The following PID1 variants were observed in gnomAD, a reference collection of about 807,000 sequenced individuals.
PID1 encodes the protein phosphotyrosine interaction domain containing 1.
Under a neutral mutation model 19.1 loss-of-function variants are expected in PID1, and 10 were observed. The observed-to-expected ratio is 0.52, with a 90% CI of 0.32 to 0.89. The LOEUF is 0.89. Ranked by LOEUF, PID1 falls within the 40% of genes least tolerant of loss-of-function variation. PID1 has a pLI of 0.03. For synonymous variants in PID1, 130 were observed against 116.0 expected (o/e 1.12, Z -0.78); for missense variants, 248 against 285.3 (o/e 0.87, Z 0.94).
intron 1 of PID1, among the ~76,000 whole-genome samples, chr2:229,159,851 C>T (rs909373493): frequency 1.3e-5 from 2 of 152,118 alleles, no homozygotes; most frequent in African/African-American, 4.8e-5. Flanking sequence ...TGTCCTTGCT[C>T]CTAATAGATT....
At chr2:229,071,764 A>G (rs1694458800) in intron 2 of PID1, among the ~76,000 whole-genome samples, 1 of 152,218 alleles carries the variant, frequency 6.6e-6, no homozygotes, top group Non-Finnish European at 1.5e-5. Flanking sequence ...CTAGTTTATC[A>G]TCATAACCAT....
rs190615308 is a variant in PID1, at chr2:229,155,568, G to A, written c.177+250C>T. 3.8e-3 allele frequency among the ~76,000 whole-genome samples: 550 copies of A among 143,816 alleles called. 3 individuals carry two copies. The highest frequency in any genetic ancestry group is 0.012 in the African/African-American group (494 of 39,690). 94.3% of individuals were successfully genotyped at this position (143,816 alleles called of 152,430 possible). ...AGCCTGGGCGACAGAGCGAGACTCCGTCTCAAAAAAAAACAAAAACAAAAA... is the reference window on the plus strand; with the variant it reads ...AGCCTGGGCGACAGAGCGAGACTCCATCTCAAAAAAAAACAAAAACAAAAA... On this transcript the variant is annotated intron_variant, in intron 2 of 2. Coordinates refer to ENST00000392055, the MANE Select transcript of PID1 (RefSeq NM_001100818.2).
At chr2:229,143,854 C>T (rs571955776) in intron 2 of PID1, among the ~76,000 whole-genome samples, 6 of 152,200 alleles carry the variant, frequency 3.9e-5, no homozygotes, top group Admixed American at 1.3e-4. Context: ...TTTAAGTTTC[C>T]GGAGGCCTCC....
At chr2:229,187,553 C>G (rs1258440488) in intron 1 of PID1, among the ~76,000 whole-genome samples, 1 of 152,114 alleles carries the variant, frequency 6.6e-6, no homozygotes. Flanking sequence ...ACGAGAATAG[C>G]ATAGGAAAGA....
At chr2:229,238,489 C>T (rs945135521) in intron 1 of PID1, among the ~76,000 whole-genome samples, 2 of 152,044 alleles carry the variant, frequency 1.3e-5, no homozygotes, top group South Asian at 2.1e-4. Context: ...GCAGCGCAAT[C>T]GATTAGCGTA....
intron 2 of PID1, among the ~76,000 whole-genome samples, chr2:229,121,681 T>C (rs1363758212): frequency 6.6e-6 from 1 of 152,192 alleles, no homozygotes; most frequent in African/African-American, 2.4e-5. Flanking sequence ...TCTCAAATTA[T>C]ACTTTGGAGA....
chr2:229,066,931 A>C (rs1180532837), intron 2 of PID1, among the ~76,000 whole-genome samples: 1 of 152,058 alleles, frequency 6.6e-6, no homozygotes, highest in Non-Finnish European at 1.5e-5. Context: ...CAAATTTTTA[A>C]ATATATGCCA....
At chr2:229,222,528 G>A (rs1385083605) in intron 1 of PID1, among the ~76,000 whole-genome samples, 1 of 152,052 alleles carries the variant, frequency 6.6e-6, no homozygotes, top group Non-Finnish European at 1.5e-5. Flanking sequence ...TGGACCACAG[G>A]GTGCCCAGAT....
chr2:229,216,744 C>T (rs1257262989), intron 1 of PID1, among the ~76,000 whole-genome samples: 2 of 152,068 alleles, frequency 1.3e-5, no homozygotes, highest in African/African-American at 2.4e-5. Context: ...ACGTGGTATG[C>T]CACTTTCAAA....
At chr2:229,099,995 T>G (rs1320420474) in intron 2 of PID1, among the ~76,000 whole-genome samples, 2 of 152,160 alleles carry the variant, frequency 1.3e-5, no homozygotes, top group African/African-American at 4.8e-5. Context: ...GGTGGAACCC[T>G]CATGATGGGG....
chr2:229,080,803 A>G (rs900668713), intron 2 of PID1, among the ~76,000 whole-genome samples: 1 of 152,226 alleles, frequency 6.6e-6, no homozygotes, highest in South Asian at 2.1e-4. Context: ...TCTAACAAAT[A>G]GAGCTAGGGA....
chr2:229,269,428 G>A (rs564022604), intron 1 of PID1, among the ~76,000 whole-genome samples: 84 of 152,312 alleles, frequency 5.5e-4, no homozygotes, highest in African/African-American at 1.6e-3. Flanking sequence ...GAAACAGGCC[G>A]GTAGGAAGAA....
chr2:229,137,125 C>T (rs542788556), intron 2 of PID1, among the ~76,000 whole-genome samples: 1 of 152,144 alleles, frequency 6.6e-6, no homozygotes, highest in African/African-American at 2.4e-5. Context: ...TCTTTAATCA[C>T]AAAATCTCTG....
chr2:229,154,156 C>A (rs189362655), intron 2 of PID1, among the ~76,000 whole-genome samples: 5 of 152,238 alleles, frequency 3.3e-5, no homozygotes, highest in Non-Finnish European at 7.3e-5. Context: ...CATTTAAAAT[C>A]ACTTTAAAAT....
intron 1 of PID1, among the ~76,000 whole-genome samples, chr2:229,225,620 C>T (rs1212880076): frequency 6.6e-6 from 1 of 152,124 alleles, no homozygotes; most frequent in Non-Finnish European, 1.5e-5. Flanking sequence ...GGATTAGTCC[C>T]TTCCCATGCT....
intron 2 of PID1, among the ~76,000 whole-genome samples, chr2:229,069,453 G>A (rs1320891799): frequency 6.6e-6 from 1 of 151,996 alleles, no homozygotes; most frequent in Non-Finnish European, 1.5e-5. Flanking sequence ...GGGACTTTAG[G>A]CAATGGAGAA....
chr2:229,107,016 T>G (rs867788460), intron 2 of PID1, among the ~76,000 whole-genome samples: 1 of 151,778 alleles, frequency 6.6e-6, no homozygotes, highest in South Asian at 2.1e-4. Context: ...TGTTTCCTTA[T>G]AAGAGACAGG....
At chr2:229,187,553 C>A (rs1258440488) in intron 1 of PID1, among the ~76,000 whole-genome samples, 1 of 152,114 alleles carries the variant, frequency 6.6e-6, no homozygotes, top group African/African-American at 2.4e-5. Context: ...ACGAGAATAG[C>A]ATAGGAAAGA....
chr2:229,078,628 G>A (rs774458964), intron 2 of PID1, among the ~76,000 whole-genome samples: 1 of 152,136 alleles, frequency 6.6e-6, no homozygotes, highest in Non-Finnish European at 1.5e-5. Flanking sequence ...TTTATCGAAG[G>A]CCTGTCTGTA....
Sources: gnomAD v4.1 joint callset for allele counts (sites outside exome capture counted in the v4.1 genomes callset) on GRCh38, gnomAD v4.1.1 for gene constraint, MANE v1.5 for transcripts, NCBI Gene and HGNC (gene_info 2026-07-23, HGNC 2026-07-21) for gene names.